LY86: variants seen among roughly 807,000 people sequenced by gnomAD.
The protein encoded by LY86 is MD-1, RP105-associated.
A neutral mutation model predicts 17.3 loss-of-function variants in LY86; 20 were observed. The ratio of observed to expected loss-of-function variants is 1.15; its 90% CI spans 0.81 to 1.68. The LOEUF (loss-of-function observed/expected upper bound fraction) is 1.68, where lower values mean the gene tolerates loss of function less well. LY86 is among the 40% of genes most tolerant of loss of function. The pLI is 0.00. For synonymous variants in LY86, 74 were observed against 70.6 expected, an observed-to-expected ratio of 1.05 and a Z score of -0.24; for missense variants, 200 against 191.9, an observed-to-expected ratio of 1.04 and a Z score of -0.25.
At chr6:6,636,251 T>C (rs755774910) in intron 3 of LY86, among the ~76,000 whole-genome samples, 52 of 152,260 alleles carry the variant, frequency 3.4e-4, no homozygotes, top group Non-Finnish European at 8.8e-5. Context: ...ACTTACCATT[T>C]ATGTGAACTC....
intron 1 of LY86, among the ~76,000 whole-genome samples, chr6:6,592,177 G>T (rs1363580247): frequency 6.6e-6 from 1 of 152,174 alleles, no homozygotes; most frequent in Non-Finnish European, 1.5e-5. Flanking sequence ...TGAGGAGAAG[G>T]GAAACTTCAC....
chr6:6,606,774 C>T (rs1327071663), intron 1 of LY86, among the ~76,000 whole-genome samples: 1 of 152,070 alleles, frequency 6.6e-6, no homozygotes, highest in Non-Finnish European at 1.5e-5. Context: ...CCGCAAGCGC[C>T]GCGCGCAGCC....
intron 1 of LY86, among the ~76,000 whole-genome samples, chr6:6,613,672 G>A (rs1306237234): frequency 6.6e-6 from 1 of 152,234 alleles, no homozygotes; most frequent in African/African-American, 2.4e-5. Flanking sequence ...CTCCGGCCTT[G>A]GCCAGCCCAG....
At chr6:6,629,009 A>G (rs774842247) in intron 3 of LY86, among the ~76,000 whole-genome samples, 74 of 152,252 alleles carry the variant, frequency 4.9e-4, no homozygotes, top group Non-Finnish European at 7.3e-4. Context: ...TAGGATTGAT[A>G]AAACAGAAGA....
rs773091755 is a variant in LY86 at position 6,654,662 on chromosome 6, T to TTTTTG, written c.*35_*36insTTTTG. On this transcript the variant is annotated 3_prime_UTR_variant, in exon 5 of 5. Transcript: ENST00000230568. ...GTAGCAAAAATCACAGCCAGCTGCA[T>TTTTTG]CTCGTGGGACCTCCAAGCTCCTCTG... is the stretch of plus-strand genomic sequence containing the variant. 21 of 1,571,068 alleles carry TTTTTG rather than the reference T, an allele frequency of 1.3e-5. No homozygotes were observed. Among genetic ancestry groups the TTTTTG allele is most frequent in the Non-Finnish European group, 1.8e-6 (2 of 1,141,316 alleles).
chr6:6,609,020 AT>A (rs1272152812), intron 1 of LY86, among the ~76,000 whole-genome samples: 10 of 152,198 alleles, frequency 6.6e-5, no homozygotes, highest in Non-Finnish European at 1.5e-4. Flanking sequence ...AGGCAGAGAA[AT>A]GAGTCCTTTC....
intron 1 of LY86, among the ~76,000 whole-genome samples, chr6:6,589,129 T>TACTA (rs1432578291): frequency 1.3e-5 from 2 of 152,198 alleles, no homozygotes; most frequent in Non-Finnish European, 2.9e-5. Context: ...TATAGCCATT[T>TACTA]ACTAACACCA....
intron 4 of LY86, among the ~76,000 whole-genome samples, chr6:6,652,361 G>A (rs1013811878): frequency 4.6e-5 from 7 of 152,104 alleles, no homozygotes; most frequent in East Asian, 1.9e-4. Context: ...TGTAAAAGAC[G>A]TACCCCATAT....
At chr6:6,604,646 G>T (rs936090957) in intron 1 of LY86, among the ~76,000 whole-genome samples, 1 of 152,088 alleles carries the variant, frequency 6.6e-6, no homozygotes, top group Non-Finnish European at 1.5e-5. Flanking sequence ...AACTGCAAAA[G>T]ACATGCATTT....
At chr6:6,610,927 G>C (rs1024831270) in intron 1 of LY86, among the ~76,000 whole-genome samples, 1 of 152,188 alleles carries the variant, frequency 6.6e-6, no homozygotes, top group South Asian at 2.1e-4. Flanking sequence ...ATTTTGCCAA[G>C]GAAGGCTCCT....
intron 1 of LY86, among the ~76,000 whole-genome samples, chr6:6,613,201 C>T (rs1245874958): frequency 2.0e-5 from 3 of 151,594 alleles, no homozygotes; most frequent in African/African-American, 4.9e-5. Context: ...ACTCAGGAGC[C>T]CAGCTGGCTT....
At chr6:6,617,810 T>C (rs552249981) in intron 1 of LY86, among the ~76,000 whole-genome samples, 1 of 152,206 alleles carries the variant, frequency 6.6e-6, no homozygotes, top group African/African-American at 2.4e-5. Context: ...ACTTAGTGCA[T>C]TTGGTTTTTT....
intron 1 of LY86, among the ~76,000 whole-genome samples, chr6:6,607,243 C>T (rs943344937): frequency 2.0e-5 from 3 of 152,092 alleles, no homozygotes. Context: ...ATCTGTGGCC[C>T]AACAATGTGA....
At chr6:6,609,824 A>T (rs1022733468) in intron 1 of LY86, among the ~76,000 whole-genome samples, 2 of 151,854 alleles carry the variant, frequency 1.3e-5, no homozygotes, top group African/African-American at 4.9e-5. Context: ...AACATGGATA[A>T]TTATTGTGTG....
At position 6,612,935 on chromosome 6, in the gene LY86, T is replaced by C. The variant is rs553562216; in HGVS notation, c.137-11991T>C. Among the ~76,000 whole-genome samples, 20 of 151,706 alleles carry C rather than the reference T, an allele frequency of 1.3e-4. No homozygotes were observed. In the South Asian group the frequency reaches 3.9e-3, roughly 30 times the overall value. On this transcript the variant is annotated intron_variant, in intron 1 of 4. Transcript: ENST00000230568. ...AGCTTAACTAGATACAGAGTGCCAA[T>C]TGGTGCATTCACAAACTCTGAGCTA...
At chr6:6,642,641 C>G (rs981926264) in intron 3 of LY86, among the ~76,000 whole-genome samples, 1 of 152,156 alleles carries the variant, frequency 6.6e-6, no homozygotes, top group African/African-American at 2.4e-5. Context: ...TAAATGAGAG[C>G]CCTAACTTAC....
chr6:6,601,939 G>C (rs1054055785), intron 1 of LY86, among the ~76,000 whole-genome samples: 2 of 152,168 alleles, frequency 1.3e-5, no homozygotes, highest in African/African-American at 4.8e-5. Context: ...TTTTAAGTGT[G>C]TTTCAACATT....
At chr6:6,610,790 A>G (rs537394102) in intron 1 of LY86, among the ~76,000 whole-genome samples, 3 of 152,302 alleles carry the variant, frequency 2.0e-5, no homozygotes, top group South Asian at 4.1e-4. Flanking sequence ...TAGAAATTCT[A>G]TTCCACAACA....
At chr6:6,645,179 CAGAACTT>C (rs1217230749) in intron 3 of LY86, among the ~76,000 whole-genome samples, 1 of 152,166 alleles carries the variant, frequency 6.6e-6, no homozygotes, top group Non-Finnish European at 1.5e-5. Flanking sequence ...AAGGCACAGA[CAGAACTT>C]AGAAGTTACA....
Sources: gnomAD v4.1 joint callset for allele counts (sites outside exome capture counted in the v4.1 genomes callset) on GRCh38, gnomAD v4.1.1 for gene constraint, MANE v1.5 for transcripts, NCBI Gene and HGNC (gene_info 2026-07-23, HGNC 2026-07-21) for gene names.